Variants in HNRNPR observed in about 807,000 individuals in gnomAD.
HNRNPR encodes heterogeneous nuclear ribonucleoprotein R.
In HNRNPR, 4 loss-of-function variants were observed where a neutral mutation model predicts 70.3. That is an observed-to-expected ratio of 0.06 (90% CI 0.03 to 0.13). HNRNPR has a LOEUF of 0.13. Among genes scored for constraint, HNRNPR ranks in the 10% least tolerant of loss-of-function variants. The pLI is 1.00. For synonymous variants in HNRNPR, 241 were observed against 267.6 expected (o/e 0.90, Z 0.97); for missense variants, 423 against 788.5 (o/e 0.54, Z 5.55).
intron 5 of HNRNPR, among the ~76,000 whole-genome samples, chr1:23,333,053 G>A (rs559641946): frequency 4.6e-5 from 7 of 151,668 alleles, no homozygotes; most frequent in African/African-American, 7.3e-5. Context: ...GTGGTGGCAC[G>A]CACCTGTAAT....
In HNRNPR at chr1:23,306,660, T is replaced by C. The variant is rs2148286586; in HGVS notation, c.*3794A>G. Reference sequence around the variant, plus strand: ...ACCTCTAAATAAAAAAGTATATATATGTACTTTTATTTAAAGAAAAAAAAC... The same window carrying C: ...ACCTCTAAATAAAAAAGTATATATACGTACTTTTATTTAAAGAAAAAAAAC... On this transcript the variant is annotated 3_prime_UTR_variant, in exon 11 of 11. Coordinates refer to ENST00000302271, the MANE Select transcript of HNRNPR (RefSeq NM_005826.5). 1 of 152,176 alleles carries C rather than the reference T, an allele frequency of 6.6e-6. No homozygotes were observed. The highest frequency in any genetic ancestry group is 2.1e-4 in the South Asian group (1 of 4,820). 9.4% of individuals were successfully genotyped at this position (152,176 alleles called of 1,614,324 possible).
At position 23,312,089 on chromosome 1, in the gene HNRNPR, T is replaced by C. The variant is rs1418653649; in HGVS notation, c.1168-767A>G. Among the ~76,000 whole-genome samples, 3 of 152,298 alleles carry C rather than the reference T, an allele frequency of 2.0e-5. No individual in the cohort carries two copies. In the South Asian group the frequency reaches 6.2e-4, roughly 32 times the overall value. On this transcript the variant is annotated intron_variant, in intron 9 of 10. Coordinates refer to ENST00000302271, the MANE Select transcript of HNRNPR (RefSeq NM_005826.5). ...ATGTCACCTCCTCATGATATTTTAT[T>C]TTTTGTTTCCCTATACCTTTCCCCA... is the stretch of plus-strand genomic sequence containing the variant.
At chr1:23,325,493 T>G (rs1460110440) in intron 5 of HNRNPR, among the ~76,000 whole-genome samples, 1 of 152,192 alleles carries the variant, frequency 6.6e-6, no homozygotes, top group Non-Finnish European at 1.5e-5. Context: ...TTATTGCAAT[T>G]CTTCTACCTC....
chr1:23,314,579 T>C (rs538812396), intron 8 of HNRNPR, among the ~76,000 whole-genome samples: 4 of 152,200 alleles, frequency 2.6e-5, no homozygotes, highest in Non-Finnish European at 5.9e-5. Flanking sequence ...ATATGGCTCT[T>C]AAAATATATT....
chr1:23,316,185 G>T (rs558827257), intron 8 of HNRNPR, among the ~76,000 whole-genome samples: 1 of 152,264 alleles, frequency 6.6e-6, no homozygotes, highest in East Asian at 1.9e-4. Context: ...GCTGGATGGG[G>T]TTGCAAGCAC....
intron 5 of HNRNPR, among the ~76,000 whole-genome samples, chr1:23,327,770 GAA>G (rs1646049599): frequency 6.6e-6 from 1 of 151,892 alleles, no homozygotes; most frequent in Non-Finnish European, 1.5e-5. Flanking sequence ...GGAAAAAACA[GAA>G]AAAGGGGCTA....
At chr1:23,319,035 GAACT>G (rs1439391775) in intron 7 of HNRNPR, among the ~76,000 whole-genome samples, 1 of 152,092 alleles carries the variant, frequency 6.6e-6, no homozygotes, top group African/African-American at 2.4e-5. Flanking sequence ...AAACCCAAGA[GAACT>G]AACTTTTGAC....
At chr1:23,333,735 T>C (rs1316799220) in intron 4 of HNRNPR, 104 bp from the exon 5 acceptor site, 4 of 606,402 alleles carry the variant, frequency 6.6e-6, no homozygotes, top group Admixed American at 2.8e-5. Context: ...CTAGGAGATA[T>C]ATTTTTATGG....
intron 4 of HNRNPR, among the ~76,000 whole-genome samples, chr1:23,335,425 G>A (rs939013253): frequency 2.0e-5 from 3 of 152,186 alleles, no homozygotes; most frequent in African/African-American, 7.2e-5. Flanking sequence ...GTTAGGAACC[G>A]GGCTGCATAG....
intron 9 of HNRNPR, among the ~76,000 whole-genome samples, chr1:23,312,775 A>G (rs1645383888): frequency 6.6e-6 from 1 of 152,334 alleles, no homozygotes; most frequent in African/African-American, 2.4e-5. Flanking sequence ...AACATGCAGA[A>G]AAAGAACCAT....
chr1:23,323,801 T>A, intron 5 of HNRNPR, 69 bp from the exon 6 acceptor site: 3 of 852,540 alleles, frequency 3.5e-6, no homozygotes, highest in Non-Finnish European at 5.2e-6. Context: ...GCCTACTGCC[T>A]TTTTTTTTTA....
At chr1:23,338,930 T>C (rs961038560) in intron 2 of HNRNPR, among the ~76,000 whole-genome samples, 1 of 152,202 alleles carries the variant, frequency 6.6e-6, no homozygotes, top group Non-Finnish European at 1.5e-5. Flanking sequence ...ACATACTGTA[T>C]TACAGATTAT....
intron 7 of HNRNPR, among the ~76,000 whole-genome samples, chr1:23,319,320 T>C (rs1645668117): frequency 6.6e-6 from 1 of 152,210 alleles, no homozygotes; most frequent in Non-Finnish European, 1.5e-5. Context: ...TTTGATGTCT[T>C]AGACATTGCA....
intron 5 of HNRNPR, among the ~76,000 whole-genome samples, chr1:23,328,780 G>A (rs1646099835): frequency 6.6e-6 from 1 of 152,142 alleles, no homozygotes; most frequent in Non-Finnish European, 1.5e-5. Context: ...GATTACAGGC[G>A]TGAGCCACCG....
At chr1:23,316,535 T>C (rs1645553682) in intron 8 of HNRNPR, among the ~76,000 whole-genome samples, 1 of 152,232 alleles carries the variant, frequency 6.6e-6, no homozygotes, top group African/African-American at 2.4e-5. Flanking sequence ...GCTATACTTT[T>C]GGTTTTCATG....
At chr1:23,343,739 TG>T (rs1646794032) in intron 1 of HNRNPR, among the ~76,000 whole-genome samples, 1 of 152,202 alleles carries the variant, frequency 6.6e-6, no homozygotes, top group African/African-American at 2.4e-5. Flanking sequence ...CAGATAACCC[TG>T]GGATCTGCAC....
chr1:23,332,649 G>A (rs1340544069), intron 5 of HNRNPR, among the ~76,000 whole-genome samples: 7 of 144,826 alleles, frequency 4.8e-5, no homozygotes, highest in African/African-American at 1.5e-4. Flanking sequence ...GCAGTGAGCC[G>A]AGATTGCACC....
At chr1:23,320,571 G>A (rs983315838) in intron 7 of HNRNPR, among the ~76,000 whole-genome samples, 1 of 152,164 alleles carries the variant, frequency 6.6e-6, no homozygotes, top group Non-Finnish European at 1.5e-5. Context: ...AACCACAAGA[G>A]CAACGAATGA....
chr1:23,317,785 C>T (rs1645606829), intron 8 of HNRNPR, among the ~76,000 whole-genome samples: 1 of 151,860 alleles, frequency 6.6e-6, no homozygotes, highest in Admixed American at 6.6e-5. Flanking sequence ...AGTTCGAGAC[C>T]AGCCTGCAAT....
Sources: gnomAD v4.1 joint callset for allele counts (sites outside exome capture counted in the v4.1 genomes callset) on GRCh38, gnomAD v4.1.1 for gene constraint, MANE v1.5 for transcripts, NCBI Gene and HGNC (gene_info 2026-07-23, HGNC 2026-07-21) for gene names.